The following BICRAL variants were observed in gnomAD, a reference collection of about 807,000 sequenced individuals.
The protein encoded by BICRAL is BICRA like chromatin remodeling complex associated protein.
BICRAL carries 8 observed loss-of-function variants against 91.8 expected under a neutral mutation model. That is an observed-to-expected ratio of 0.09 (90% CI 0.05 to 0.16). The LOEUF (loss-of-function observed/expected upper bound fraction) is 0.16. Ranked by LOEUF, BICRAL falls within the 10% of genes least tolerant of loss-of-function variation. BICRAL has a pLI of 1.00. For synonymous variants in BICRAL, 445 were observed against 491.1 expected (o/e 0.91, Z 1.24); for missense variants, 1,038 against 1,310.9 (o/e 0.79, Z 3.21).
chr6:42,763,474 A>C, intron 1 of BICRAL, among the ~76,000 whole-genome samples: 1 of 152,224 alleles, frequency 6.6e-6, no homozygotes, highest in East Asian at 1.9e-4. Flanking sequence ...TATCTTCTTT[A>C]GGTAGGATTT....
Position 42,828,843 on chromosome 6 carries a change from T to C in BICRAL, c.510T>C (p.His170=), listed in dbSNP as rs2113957021. The C allele has an allele frequency of 1.9e-6, 3 of 1,614,232 alleles. No individual in the cohort carries two copies. Among genetic ancestry groups the C allele is most frequent in the East Asian group, 2.2e-5 (1 of 44,890 alleles). The change falls in exon 6 of 13, where the codon CAT becomes CAC. Residue 170 remains histidine, a synonymous_variant. Coordinates refer to ENST00000314073, the MANE Select transcript of BICRAL (RefSeq NM_001393499.1). ...CGCTGCAGCCTATAGGGGTGACGCA[T>C]GTGCCTGTTGGAGCATCGTTTGCAA... ...GQTLQPIGVT[H]VPVGASFASN... is the part of the protein sequence containing the mutation.
At chr6:42,842,893 A>G (rs918554806) in intron 6 of BICRAL, among the ~76,000 whole-genome samples, 1 of 148,796 alleles carries the variant, frequency 6.7e-6, no homozygotes, top group Non-Finnish European at 1.5e-5. Context: ...TTGCTCTGTC[A>G]CCCAGGCTGG....
At position 42,864,761 on chromosome 6, in the gene BICRAL, C is replaced by T; in HGVS notation, c.2555C>T (p.Ser852Phe). 1 of 1,614,152 alleles carries T rather than the reference C, an allele frequency of 6.2e-7. No individual in the cohort carries two copies. The highest frequency in any genetic ancestry group is 1.1e-5 in the South Asian group (1 of 91,088). The change falls in exon 13 of 13, where the codon TCT (serine) becomes TTT (phenylalanine). Residue 852 changes from serine (S) to phenylalanine (F), a missense_variant. Ser to Phe is a radical substitution (Grantham distance 155). Transcript: ENST00000314073. ...CAGCATGGCAGTAAAGCAAGCAGCT[C>T]TCTGCAACCGCCAGCCAAGGCCCAA... ...SDQHGSKASS[S>F]LQPPAKAQGR...
chr6:42,806,980 G>A (rs1421297502), intron 1 of BICRAL, among the ~76,000 whole-genome samples: 2 of 151,318 alleles, frequency 1.3e-5, no homozygotes, highest in Admixed American at 1.3e-4. Flanking sequence ...ACAGGTACCC[G>A]TCAACAGTCC....
At position 42,751,264 on chromosome 6, in the gene BICRAL, G is replaced by C. The variant is rs766353448; in HGVS notation, c.-261+4241G>C. Among the ~76,000 whole-genome samples the C allele has an allele frequency of 2.6e-5, 4 of 152,000 alleles. No individual in the cohort carries two copies. The South Asian group carries it at 8.3e-4, about 31-fold the overall frequency. On this transcript the variant is annotated intron_variant, in intron 1 of 14. Transcript: ENST00000614467. ...ATTGGCCTCAGGCGTGGGAGGACCC[G>C]TGTCCTGGGTGGAGAGCCTTAAATC...
At chr6:42,801,855 C>G (rs2113899686) in intron 1 of BICRAL, among the ~76,000 whole-genome samples, 1 of 151,622 alleles carries the variant, frequency 6.6e-6, no homozygotes, top group South Asian at 2.1e-4. Context: ...TGTACTCCAG[C>G]CTGGGTGACA....
chr6:42,783,339 T>C (rs541925898), intron 1 of BICRAL, among the ~76,000 whole-genome samples: 1 of 152,064 alleles, frequency 6.6e-6, no homozygotes, highest in Non-Finnish European at 1.5e-5. Context: ...AGAAGAGATG[T>C]GCGGCTGGGA....
chr6:42,839,241 A>AT (rs940390211), intron 6 of BICRAL, among the ~76,000 whole-genome samples: 15 of 151,492 alleles, frequency 9.9e-5, no homozygotes, highest in Admixed American at 4.0e-4. Context: ...TCTCCTTCCC[A>AT]TTTTTTTTGA....
At position 42,829,816 on chromosome 6, in the gene BICRAL, G is replaced by T. The variant is rs760062737; in HGVS notation, c.1483G>T (p.Val495Leu). 6 of 1,614,094 alleles carry T rather than the reference G, an allele frequency of 3.7e-6. No individual in the cohort carries two copies. The South Asian group carries it at 5.5e-5, about 15-fold the overall frequency. The stretch of plus-strand genomic sequence containing the variant: ...AGCCAATCATGCCTCTCCTCAGCTT[G>T]TGGGTGGACAGATGCCCTTGCAGCA... Reference protein sequence around the residue: ...VIANHASPQLVGGQMPLQQAS... With the variant: ...VIANHASPQLLGGQMPLQQAS... Residue 495 changes from valine to leucine, a missense_variant, in exon 6 of 13, where the codon GTG becomes TTG. By Grantham distance (32) the Val-to-Leu change is conservative. Coordinates refer to ENST00000314073, the MANE Select transcript of BICRAL (RefSeq NM_001393499.1).
intron 1 of BICRAL, among the ~76,000 whole-genome samples, chr6:42,767,845 C>T (rs566836733): frequency 1.3e-5 from 2 of 152,246 alleles, no homozygotes; most frequent in East Asian, 1.9e-4. Flanking sequence ...AGGAAAGGAA[C>T]ACCAGGCAAC....
At chr6:42,815,013 G>A (rs1582839642) in intron 2 of BICRAL, among the ~76,000 whole-genome samples, 1 of 150,150 alleles carries the variant, frequency 6.7e-6, no homozygotes, top group Non-Finnish European at 1.5e-5. Context: ...TGGTTCAAGA[G>A]ATTCTCATGC....
At chr6:42,856,524 G>A (rs1032544932) in intron 9 of BICRAL, among the ~76,000 whole-genome samples, 30 of 151,004 alleles carry the variant, frequency 2.0e-4, no homozygotes, top group East Asian at 9.8e-4. Context: ...ATAGGCACCC[G>A]CCATCACGCC....
At chr6:42,800,712 G>A (rs1320108173) in intron 1 of BICRAL, among the ~76,000 whole-genome samples, 1 of 152,028 alleles carries the variant, frequency 6.6e-6, no homozygotes, top group Non-Finnish European at 1.5e-5. Flanking sequence ...AGCACATCCG[G>A]CTATGTCCAC....
In BICRAL at chr6:42,835,573, A is replaced by G. The variant is rs114028496; in HGVS notation, c.1839+5401A>G. 6.9e-3 allele frequency among the ~76,000 whole-genome samples: 1,056 copies of G among 152,148 alleles called. 5 individuals are homozygous for G. The highest frequency in any genetic ancestry group is 0.022 in the African/African-American group (929 of 41,516). Reference sequence around the variant, plus strand: ...GTAAAAAAAAAAAAAACTATTAATTAGACTTTACTATTGGTTTACAGTTCT... The same window carrying G: ...GTAAAAAAAAAAAAAACTATTAATTGGACTTTACTATTGGTTTACAGTTCT... On this transcript the variant is annotated intron_variant, in intron 6 of 12. Coordinates refer to ENST00000314073, the MANE Select transcript of BICRAL (RefSeq NM_001393499.1).
chr6:42,756,589 C>T (rs186013419), intron 1 of BICRAL, among the ~76,000 whole-genome samples: 1 of 152,166 alleles, frequency 6.6e-6, no homozygotes, highest in Admixed American at 6.5e-5. Flanking sequence ...TCCCAAACAC[C>T]TCATGTTTAG....
chr6:42,780,988 C>T (rs1202324169), upstream of BICRAL, among the ~76,000 whole-genome samples: 2 of 152,054 alleles, frequency 1.3e-5, no homozygotes, highest in African/African-American at 4.8e-5. Context: ...CCACTCGCCT[C>T]GGCCTCCCAA....
chr6:42,755,885 G>C (rs375312788), intron 1 of BICRAL, among the ~76,000 whole-genome samples: 1 of 151,980 alleles, frequency 6.6e-6, no homozygotes, highest in African/African-American at 2.4e-5. Flanking sequence ...TGTTGCCCAG[G>C]TTGGTCTTGA....
chr6:42,773,734 C>T (rs1283035630), intron 1 of BICRAL, among the ~76,000 whole-genome samples: 2 of 151,792 alleles, frequency 1.3e-5, no homozygotes, highest in Non-Finnish European at 2.9e-5. Context: ...AGGCTGGTCT[C>T]AAACTCCTGA....
rs199601305 is a variant in BICRAL, at chr6:42,829,746, C to T, written c.1413C>T (p.His471=). ...PMLNNQNTAV[H]LVSGQTFAAS... ...TTAACAACCAGAATACTGCTGTCCA[C>T]TTAGTGTCTGGGCAGACATTTGCTG... is the stretch of plus-strand genomic sequence containing the variant. Residue 471 remains histidine, a synonymous_variant, in exon 6 of 13, where the codon CAC becomes CAT. Transcript: ENST00000314073. 91 of 1,614,148 alleles carry T rather than the reference C, an allele frequency of 5.6e-5. No homozygotes were observed. The East Asian group carries it at 9.4e-4, about 17-fold the overall frequency.
Sources: gnomAD v4.1 joint callset for allele counts (sites outside exome capture counted in the v4.1 genomes callset) on GRCh38, gnomAD v4.1.1 for gene constraint, MANE v1.5 for transcripts, NCBI Gene and HGNC (gene_info 2026-07-23, HGNC 2026-07-21) for gene names.